SHOC1: variants seen among roughly 807,000 people sequenced by gnomAD.
The protein encoded by SHOC1 is shortage in chiasmata 1.
SHOC1 carries 136 observed loss-of-function variants against 179.2 expected under a neutral mutation model. The ratio of observed to expected loss-of-function variants is 0.76; its 90% CI spans 0.66 to 0.87. SHOC1 has a LOEUF of 0.87. SHOC1 is among the 40% of genes least tolerant of loss of function. The pLI is 0.00. For synonymous variants in SHOC1, 489 were observed against 586.6 expected, an observed-to-expected ratio of 0.83 and a Z score of 2.41; for missense variants, 1,538 against 1,700.8, an observed-to-expected ratio of 0.90 and a Z score of 1.68.
chr9:111,720,548 C>T (rs1832986918), intron 15 of SHOC1, among the ~76,000 whole-genome samples: 1 of 152,002 alleles, frequency 6.6e-6, no homozygotes, highest in African/African-American at 2.4e-5. Context: ...TTTCCATTTA[C>T]TCTCTTTTCT....
chr9:111,744,033 A>G (rs1172602666), intron 10 of SHOC1, among the ~76,000 whole-genome samples: 1 of 152,210 alleles, frequency 6.6e-6, no homozygotes, highest in Non-Finnish European at 1.5e-5. Context: ...TTTGTTTCAT[A>G]AATTCTTATT....
chr9:111,725,860 T>C (rs879293517), intron 13 of SHOC1, among the ~76,000 whole-genome samples: 7 of 152,192 alleles, frequency 4.6e-5, no homozygotes, highest in Non-Finnish European at 8.8e-5. Context: ...ATTTTTATTC[T>C]TTTTTACATT....
At chr9:111,775,337 G>A (rs968862207) in intron 5 of SHOC1, among the ~76,000 whole-genome samples, 1 of 152,040 alleles carries the variant, frequency 6.6e-6, no homozygotes, top group African/African-American at 2.4e-5. Context: ...GTAAAACTGA[G>A]TATATTTCCT....
chr9:111,691,990 C>T lies in SHOC1; in HGVS notation c.3987G>A (p.Arg1329=). 1 of 1,613,252 alleles carries T rather than the reference C, an allele frequency of 6.2e-7. No homozygotes were observed. Among genetic ancestry groups the T allele is most frequent in the Non-Finnish European group, 8.5e-7 (1 of 1,179,730 alleles). The change falls in exon 27 of 28, where the codon AGG becomes AGA. Residue 1329 remains arginine (R), a synonymous_variant. Transcript: ENST00000682961. Reference sequence around the variant, plus strand: ...TGAAACCTTTTGCTTCATGTGTTCTCCTTTTCTGAGAATTTATAAAACGGG... The same window carrying T: ...TGAAACCTTTTGCTTCATGTGTTCTTCTTTTCTGAGAATTTATAAAACGGG... ...VVPRFINSQK[R]RTHEAKGFIN... is the part of the protein sequence containing the mutation.
Position 111,718,238 on chromosome 9 carries a change from G to A in SHOC1, c.2182C>T (p.Leu728Phe), listed in dbSNP as rs1001991559. Residue 728 changes from leucine to phenylalanine, a missense_variant, in exon 16 of 28, where the codon CTT becomes TTT. Transcript: ENST00000682961. ...AGGACATCTCTAATTGTTACCAGAA[G>A]ATGTAAGAGAGCGGCATGCTTGAAA... is the stretch of plus-strand genomic sequence containing the variant. ...MTFKHAALLH[L>F]LVTIRDVLLT... The A allele has an allele frequency of 2.5e-6, 4 of 1,599,054 alleles. No individual in the cohort carries two copies. The African/African-American group carries it at 5.4e-5, about 22-fold the overall frequency.
intron 8 of SHOC1, among the ~76,000 whole-genome samples, chr9:111,753,755 C>T (rs1354420257): frequency 2.0e-5 from 3 of 152,068 alleles, no homozygotes; most frequent in African/African-American, 7.2e-5. Flanking sequence ...TGACAAGATT[C>T]AAAACCCTTT....
chr9:111,786,503 A>ATTTTTTTTTTTTTTTTTTTTT (rs34413616), intron 2 of SHOC1, among the ~76,000 whole-genome samples: 5 of 110,270 alleles, frequency 4.5e-5, no homozygotes, highest in Non-Finnish European at 3.5e-5. Flanking sequence ...TGCTCTGCAG[A>ATTTTTTTTTTTTTTTTTTTTT]TTTTTTTTTT....
chr9:111,727,560 C>A, intron 13 of SHOC1, 73 bp downstream of exon 13: 2 of 1,269,490 alleles, frequency 1.6e-6, no homozygotes, highest in South Asian at 1.9e-5. Flanking sequence ...TATCTCCTTG[C>A]CTTCTATAAT....
At position 111,699,975 on chromosome 9, in the gene SHOC1, G is replaced by A; in HGVS notation, c.3162C>T (p.Asn1054=). ...ATACCTTTACATCCAGTTCTTCAGA[G>A]TTTAGCCCAAATGAAACCAAAGCTG... ...IYAALVSFGL[N]SEELDVKLII... The change falls in exon 24 of 28, where the codon AAC becomes AAT. Residue 1054 remains asparagine, a synonymous_variant. Coordinates refer to ENST00000682961, the MANE Select transcript of SHOC1 (RefSeq NM_001378211.1). The A allele has an allele frequency of 6.2e-7, 1 of 1,608,140 alleles. No homozygotes were observed. Among genetic ancestry groups the A allele is most frequent in the Middle Eastern group, 1.7e-4 (1 of 6,014 alleles).
chr9:111,753,659 T>G lies in SHOC1; in HGVS notation c.862+2666A>C, dbSNP rs1303630023. On this transcript the variant is annotated intron_variant, in intron 8 of 27. Transcript: ENST00000682961. ...TGAGATGCAAGGATAGTTCAACATATGCAAATCAATAAATGTGATACACTA... is the reference window on the plus strand; with the variant it reads ...TGAGATGCAAGGATAGTTCAACATAGGCAAATCAATAAATGTGATACACTA... Among the ~76,000 whole-genome samples the G allele has an allele frequency of 2.0e-5, 3 of 152,246 alleles. No homozygotes were observed. The South Asian group carries it at 6.2e-4, about 32-fold the overall frequency.
At chr9:111,703,127 A>G (rs947481532) in intron 22 of SHOC1, among the ~76,000 whole-genome samples, 4 of 152,158 alleles carry the variant, frequency 2.6e-5, no homozygotes, top group Non-Finnish European at 4.4e-5. Context: ...AAACAAACAA[A>G]CAAACAGTTG....
chr9:111,735,849 T>C (rs1258336583), intron 12 of SHOC1, among the ~76,000 whole-genome samples: 1 of 152,232 alleles, frequency 6.6e-6, no homozygotes, highest in African/African-American at 2.4e-5. Context: ...GCAGCATCTG[T>C]TGTTTCCTGA....
rs1342095376 is a variant in SHOC1 at position 111,692,493 on chromosome 9, A to C, written c.3484T>G (p.Ser1162Ala). The C allele has an allele frequency of 1.3e-6, 2 of 1,567,898 alleles. No individual in the cohort carries two copies. The highest frequency in any genetic ancestry group is 2.4e-5 in the South Asian group (2 of 84,962). Residue 1162 changes from serine (S) to alanine (A), a missense_variant, in exon 27 of 28, where the codon TCC becomes GCC. By Grantham distance (99) the Ser-to-Ala change is moderately conservative. Transcript: ENST00000682961. ...KVLKHFCSIT[S>A]LFKIGSSSIT... ...GAAGAAGAACCAATCTTGAATAGGG[A>C]AGTGATGCTACAAAAATGCTAAAAA...
chr9:111,691,805 C>A lies in SHOC1; in HGVS notation c.4172G>T (p.Gly1391Val), dbSNP rs1349659977. 6.2e-7 allele frequency: 1 copy of A among 1,613,802 alleles called. No homozygotes were observed. The highest frequency in any genetic ancestry group is 1.3e-5 in the African/African-American group (1 of 75,026). ...TTTTTGCTGATCAGTGAATAAATTA[C>A]CTTTCTGAGAGTACAATTTGTTACA... is the stretch of plus-strand genomic sequence containing the variant. ...TACNKLYSQK[G>V]NLFTDQQKCL... The change falls in exon 27 of 28, where the codon GGT (glycine) becomes GTT (valine). Residue 1391 changes from glycine to valine, a missense_variant. Gly to Val is a moderately radical substitution (Grantham distance 109, BLOSUM62 -3). Transcript: ENST00000682961.
intron 27 of SHOC1, among the ~76,000 whole-genome samples, chr9:111,688,167 T>C (rs949736270): frequency 4.6e-5 from 7 of 152,196 alleles, no homozygotes; most frequent in Non-Finnish European, 8.8e-5. Flanking sequence ...ATTTTTGTGG[T>C]ATGAAGACAC....
At chr9:111,726,810 G>A (rs1181604987) in intron 13 of SHOC1, among the ~76,000 whole-genome samples, 1 of 152,062 alleles carries the variant, frequency 6.6e-6, no homozygotes, top group Non-Finnish European at 1.5e-5. Context: ...AGATGTAAAA[G>A]TGCTTTATAA....
chr9:111,741,582 A>ACTCAATATTATTAAT lies in SHOC1; in HGVS notation c.1080-13_1080-12insATTAATAATATTGAG. The stretch of plus-strand genomic sequence containing the variant: ...CAGTAAGCAAATTACTGAAAAAAAG[A>ACTCAATATTATTAAT]GTTAAAGTTTAATACATTAATAATA... On this transcript the variant is annotated splice_polypyrimidine_tract_variant and intron_variant, in intron 10 of 27. Coordinates refer to ENST00000682961, the MANE Select transcript of SHOC1 (RefSeq NM_001378211.1). 1 of 1,481,634 alleles carries ACTCAATATTATTAAT rather than the reference A, an allele frequency of 6.7e-7. No individual in the cohort carries two copies. The highest frequency in any genetic ancestry group is 9.3e-7 in the Non-Finnish European group (1 of 1,071,580). 91.8% of individuals were successfully genotyped at this position (1,481,634 alleles called of 1,614,324 possible).
intron 5 of SHOC1, among the ~76,000 whole-genome samples, chr9:111,774,032 G>T (rs1376676680): frequency 2.6e-5 from 4 of 152,252 alleles, no homozygotes; most frequent in Admixed American, 1.3e-4. Flanking sequence ...ATAGGATATG[G>T]ACAATGTGTA....
Position 111,692,198 on chromosome 9 carries a change from C to T in SHOC1, c.3779G>A (p.Cys1260Tyr). 6.2e-7 allele frequency: 1 copy of T among 1,613,734 alleles called. No homozygotes were observed. The highest frequency in any genetic ancestry group is 8.5e-7 in the Non-Finnish European group (1 of 1,179,730). ...AGTATTCTGCCCTATATTAGATTTA[C>T]AGCTGGAGTCTTTCCAGTAGCTGGT... ...NQTSYWKDSS[C>Y]KSNIGQNTPF... Residue 1260 changes from cysteine to tyrosine, a missense_variant, in exon 27 of 28, where the codon TGT becomes TAT. By Grantham distance (194) the Cys-to-Tyr change is radical. Transcript: ENST00000682961.
Sources: gnomAD v4.1 joint callset for allele counts (sites outside exome capture counted in the v4.1 genomes callset) on GRCh38, gnomAD v4.1.1 for gene constraint, MANE v1.5 for transcripts, NCBI Gene and HGNC (gene_info 2026-07-23, HGNC 2026-07-21) for gene names.